CFAP299: variants seen among roughly 807,000 people sequenced by gnomAD.
CFAP299 encodes the protein cilia and flagella associated protein 299.
A neutral mutation model predicts 27.0 loss-of-function variants in CFAP299; 21 were observed. The observed-to-expected ratio is 0.78, with a 90% CI of 0.55 to 1.12. The LOEUF (loss-of-function observed/expected upper bound fraction) is 1.12. CFAP299 is among the 50% of genes most tolerant of loss of function. The probability of loss-of-function intolerance (pLI) is 0.00; values close to 1 mark genes in which losing one functional copy is unlikely to be tolerated. For synonymous variants in CFAP299, 104 were observed against 98.1 expected (o/e 1.06, Z -0.36); for missense variants, 310 against 276.6 (o/e 1.12, Z -0.86).
chr4:80,755,704 T>C (rs937670468), intron 3 of CFAP299, among the ~76,000 whole-genome samples: 2 of 152,118 alleles, frequency 1.3e-5, no homozygotes, highest in African/African-American at 4.8e-5. Flanking sequence ...CAAGGAGCAG[T>C]GCAGTTTCAT....
intron 2 of CFAP299, among the ~76,000 whole-genome samples, chr4:80,396,860 C>A (rs1725825761): frequency 6.6e-6 from 1 of 152,078 alleles, no homozygotes; most frequent in African/African-American, 2.4e-5. Context: ...TGTGTCTCTG[C>A]CAGGCTTTGG....
At chr4:80,546,500 A>G (rs1305905854) in intron 2 of CFAP299, among the ~76,000 whole-genome samples, 1 of 152,192 alleles carries the variant, frequency 6.6e-6, no homozygotes, top group East Asian at 1.9e-4. Context: ...ATAGAAAAGC[A>G]TTCCATGTCC....
At chr4:80,962,386 C>T (rs867636534) in intron 5 of CFAP299, among the ~76,000 whole-genome samples, 1 of 151,782 alleles carries the variant, frequency 6.6e-6, no homozygotes, top group Non-Finnish European at 1.5e-5. Flanking sequence ...CTATACAGGG[C>T]AATGATTAAT....
intron 1 of CFAP299, among the ~76,000 whole-genome samples, chr4:80,356,042 A>G (rs926806132): frequency 2.0e-5 from 3 of 150,926 alleles, no homozygotes; most frequent in Non-Finnish European, 4.4e-5. Context: ...TCCAGTTTCA[A>G]TTTTCTGCTT....
intron 3 of CFAP299, among the ~76,000 whole-genome samples, chr4:80,616,601 A>C (rs942513826): frequency 6.6e-6 from 1 of 151,974 alleles, no homozygotes; most frequent in Non-Finnish European, 1.5e-5. Flanking sequence ...GACTCCTGAC[A>C]CTCAGACAAT....
intron 4 of CFAP299, among the ~76,000 whole-genome samples, chr4:80,894,789 T>C (rs1734532463): frequency 6.6e-6 from 1 of 151,260 alleles, no homozygotes; most frequent in Admixed American, 6.6e-5. Context: ...TGTGTGTGAG[T>C]GTGTGTGTGA....
At chr4:80,870,159 C>A in intron 4 of CFAP299, 24 bp downstream of exon 4, 9 of 1,576,614 alleles carry the variant, frequency 5.7e-6, no homozygotes, top group Non-Finnish European at 7.8e-6. Flanking sequence ...AATTTTTGCA[C>A]CCTTAGAGGC....
intron 3 of CFAP299, among the ~76,000 whole-genome samples, chr4:80,737,148 C>G (rs1299647715): frequency 7.8e-6 from 1 of 128,604 alleles, no homozygotes; most frequent in Admixed American, 9.9e-5. Context: ...GAACATCACA[C>G]TCTGGGGACT....
intron 2 of CFAP299, among the ~76,000 whole-genome samples, chr4:80,513,334 C>G (rs932435954): frequency 6.6e-6 from 1 of 152,158 alleles, no homozygotes; most frequent in East Asian, 1.9e-4. Flanking sequence ...CATCAGCAAA[C>G]TTCTGGCTGG....
At chr4:80,499,576 T>A (rs1320524865) in intron 2 of CFAP299, among the ~76,000 whole-genome samples, 1 of 152,158 alleles carries the variant, frequency 6.6e-6, no homozygotes, top group African/African-American at 2.4e-5. Flanking sequence ...TTTAGGCATG[T>A]CTCTTTTTAA....
At chr4:80,530,811 C>T (rs1733426250) in intron 2 of CFAP299, among the ~76,000 whole-genome samples, 1 of 152,130 alleles carries the variant, frequency 6.6e-6, no homozygotes, top group Non-Finnish European at 1.5e-5. Flanking sequence ...GAACACACTC[C>T]AGGCAGAGTG....
chr4:80,863,201 C>CTTT (rs71664821), intron 3 of CFAP299, among the ~76,000 whole-genome samples: 16,899 of 133,288 alleles, frequency 0.13, 1,191 homozygotes, highest in Middle Eastern at 0.26. Context: ...GCTTAGCATG[C>CTTT]TTTTTTTTTT....
At chr4:80,470,536 A>G (rs1729943522) in intron 2 of CFAP299, among the ~76,000 whole-genome samples, 1 of 152,206 alleles carries the variant, frequency 6.6e-6, no homozygotes. Context: ...TGTATCCATT[A>G]CTGAGTCACT....
chr4:80,357,573 A>G (rs1163594085), intron 1 of CFAP299, among the ~76,000 whole-genome samples: 1 of 151,986 alleles, frequency 6.6e-6, no homozygotes, highest in African/African-American at 2.4e-5. Context: ...GGGAGTGTTT[A>G]TTTGTCCATT....
chr4:80,714,076 T>C (rs143653996), intron 3 of CFAP299, among the ~76,000 whole-genome samples: 55 of 152,264 alleles, frequency 3.6e-4, no homozygotes, highest in African/African-American at 1.3e-3. Context: ...CCTTGTTGAA[T>C]TTTATCCTTC....
At chr4:80,650,586 A>T (rs1225851121) in intron 3 of CFAP299, among the ~76,000 whole-genome samples, 1 of 152,084 alleles carries the variant, frequency 6.6e-6, no homozygotes, top group Non-Finnish European at 1.5e-5. Context: ...ACTACCTGAG[A>T]CCTAAATGTC....
intron 1 of CFAP299, among the ~76,000 whole-genome samples, chr4:80,357,568 T>C (rs1245482270): frequency 3.9e-5 from 6 of 151,964 alleles, no homozygotes; most frequent in Non-Finnish European, 8.8e-5. Flanking sequence ...GTCTGGGGAG[T>C]GTTTATTTGT....
At chr4:80,763,869 T>C (rs1339804005) in intron 3 of CFAP299, among the ~76,000 whole-genome samples, 1 of 152,120 alleles carries the variant, frequency 6.6e-6, no homozygotes, top group African/African-American at 2.4e-5. Flanking sequence ...GATTCCCTAT[T>C]TAATAAATGG....
chr4:80,958,200 G>A (rs954950521), intron 5 of CFAP299, among the ~76,000 whole-genome samples: 2 of 152,062 alleles, frequency 1.3e-5, no homozygotes, highest in African/African-American at 4.8e-5. Context: ...CAATATTCTT[G>A]ACTATTAAAG....
Sources: gnomAD v4.1 joint callset for allele counts (sites outside exome capture counted in the v4.1 genomes callset) on GRCh38, gnomAD v4.1.1 for gene constraint, MANE v1.5 for transcripts, NCBI Gene and HGNC (gene_info 2026-07-23, HGNC 2026-07-21) for gene names.